FGF10: variants seen among roughly 807,000 people sequenced by gnomAD.
The protein encoded by FGF10 is FGF-10.
FGF10 carries 2 observed loss-of-function variants against 19.8 expected under a neutral mutation model. That is an observed-to-expected ratio of 0.10 (90% confidence interval 0.04 to 0.32). FGF10 has a LOEUF of 0.32. Ranked by LOEUF, FGF10 falls within the 10% of genes least tolerant of loss-of-function variation. The pLI is 1.00. For synonymous variants in FGF10, 112 were observed against 94.0 expected (o/e 1.19, Z -1.10); for missense variants, 191 against 246.3 (o/e 0.78, Z 1.50).
At chr5:44,315,970 G>A (rs537383586) in intron 1 of FGF10, among the ~76,000 whole-genome samples, 2 of 152,282 alleles carry the variant, frequency 1.3e-5, no homozygotes, top group African/African-American at 4.8e-5. Context: ...ACCAATATTG[G>A]AACTGGGCCA....
At chr5:44,354,248 A>G (rs1029712293) in intron 1 of FGF10, among the ~76,000 whole-genome samples, 4 of 151,458 alleles carry the variant, frequency 2.6e-5, no homozygotes, top group South Asian at 2.1e-4. Context: ...TTGAACACTC[A>G]TGTGTTCTTA....
At chr5:44,338,532 A>C (rs1296758786) in intron 1 of FGF10, among the ~76,000 whole-genome samples, 1 of 152,218 alleles carries the variant, frequency 6.6e-6, no homozygotes, top group Non-Finnish European at 1.5e-5. Context: ...ATTCAGGTTG[A>C]CAAAAGCATC....
At chr5:44,369,659 C>G (rs1334995750) in intron 1 of FGF10, among the ~76,000 whole-genome samples, 6 of 152,116 alleles carry the variant, frequency 3.9e-5, no homozygotes, top group African/African-American at 1.4e-4. Flanking sequence ...CACACGCACT[C>G]AGACACTTAC....
intron 1 of FGF10, among the ~76,000 whole-genome samples, chr5:44,376,831 T>G (rs1741878554): frequency 6.6e-6 from 1 of 152,032 alleles, no homozygotes; most frequent in South Asian, 2.1e-4. Flanking sequence ...TAGATAATAC[T>G]CTTTTGAAAT....
chr5:44,313,704 C>T (rs190456595), intron 1 of FGF10, among the ~76,000 whole-genome samples: 4 of 150,960 alleles, frequency 2.6e-5, no homozygotes, highest in African/African-American at 9.7e-5. Context: ...TAGGCATATT[C>T]TTGTAGTGAA....
intron 2 of FGF10, among the ~76,000 whole-genome samples, chr5:44,306,513 T>C (rs1175928144): frequency 7.0e-6 from 1 of 142,850 alleles, no homozygotes; most frequent in African/African-American, 2.5e-5. Flanking sequence ...TTCTATCTTC[T>C]TCATCCAAAG....
intron 1 of FGF10, among the ~76,000 whole-genome samples, chr5:44,328,677 A>T (rs892148227): frequency 6.6e-6 from 1 of 152,130 alleles, no homozygotes; most frequent in African/African-American, 2.4e-5. Context: ...TAGGAAAATC[A>T]CTTGAGCCAA....
intron 1 of FGF10, among the ~76,000 whole-genome samples, chr5:44,387,640 T>G (rs1041202594): frequency 1.3e-5 from 2 of 152,090 alleles, no homozygotes; most frequent in African/African-American, 4.8e-5. Flanking sequence ...GACATGAGCA[T>G]CATGTTACCA....
intron 1 of FGF10, among the ~76,000 whole-genome samples, chr5:44,329,595 G>A (rs773401289): frequency 1.2e-4 from 18 of 151,908 alleles, no homozygotes; most frequent in Non-Finnish European, 2.2e-4. Flanking sequence ...AAACTAGAAC[G>A]CATATTCACA....
intron 1 of FGF10, among the ~76,000 whole-genome samples, chr5:44,362,153 G>GT (rs566982115): frequency 2.0e-5 from 3 of 151,584 alleles, no homozygotes; most frequent in Non-Finnish European, 4.4e-5. Context: ...TACCATCTTT[G>GT]TGAACTTGGA....
rs1164788269 is a variant in FGF10 at position 44,324,992 on chromosome 5, T to C, written c.326-14462A>G. ...GATTATTCCTTGGTAAAATTCAAAG[T>C]AAACCCTGTTTATTTGTTTTTATAT... On this transcript the variant is annotated intron_variant, in intron 1 of 2. Coordinates refer to ENST00000264664, the MANE Select transcript of FGF10 (RefSeq NM_004465.2). Among the ~76,000 whole-genome samples, 32 of 152,208 alleles carry C rather than the reference T, an allele frequency of 2.1e-4. 1 individual carries two copies. Among genetic ancestry groups the C allele is most frequent in the Admixed American group, 2.1e-3 (32 of 15,272 alleles).
chr5:44,363,196 G>A (rs1741530022), intron 1 of FGF10, among the ~76,000 whole-genome samples: 2 of 151,682 alleles, frequency 1.3e-5, no homozygotes, highest in Non-Finnish European at 2.9e-5. Flanking sequence ...TTCCTTCACT[G>A]AATTCACCGT....
chr5:44,351,960 C>T (rs976415595), intron 1 of FGF10, among the ~76,000 whole-genome samples: 3 of 151,592 alleles, frequency 2.0e-5, no homozygotes. Flanking sequence ...ACTAATACTA[C>T]TACTACTAAT....
rs764913349 is a variant in FGF10 at position 44,376,490 on chromosome 5, C to CAAAAAAAAAAAAAAAA, written c.325+11852_325+11867dup. On this transcript the variant is annotated intron_variant, in intron 1 of 2. Transcript: ENST00000264664. Reference sequence around the variant, plus strand: ...CTAAGACAAGTTAGAATACAAATGCCAAAAAAAAAAAAAAAAAAAAAAAAA... The same window carrying CAAAAAAAAAAAAAAAA: ...CTAAGACAAGTTAGAATACAAATGCCAAAAAAAAAAAAAAAAAAAAAAAAAAAAAAAAAAAAAAAAA... Among the ~76,000 whole-genome samples the CAAAAAAAAAAAAAAAA allele has an allele frequency of 9.0e-3, 312 of 34,478 alleles. 40 individuals carry two copies. The highest frequency in any genetic ancestry group is 0.017 in the Middle Eastern group (1 of 58). 22.6% of individuals were successfully genotyped at this position (34,478 alleles called of 152,430 possible). A position where few individuals can be genotyped will look rare whatever the true frequency, so the allele number is the denominator to read the frequency against.
intron 1 of FGF10, among the ~76,000 whole-genome samples, chr5:44,364,600 T>C (rs1741564166): frequency 6.6e-6 from 1 of 151,860 alleles, no homozygotes; most frequent in Admixed American, 6.6e-5. Context: ...AATATGATAG[T>C]GCAGTGGAAA....
At chr5:44,376,612 T>A (rs919154938) in intron 1 of FGF10, among the ~76,000 whole-genome samples, 1 of 148,184 alleles carries the variant, frequency 6.7e-6, no homozygotes, top group Non-Finnish European at 1.5e-5. Flanking sequence ...CAGTGAAATA[T>A]ACATATTAAG....
At chr5:44,376,395 G>A (rs1741855662) in intron 1 of FGF10, among the ~76,000 whole-genome samples, 1 of 146,714 alleles carries the variant, frequency 6.8e-6, no homozygotes, top group Non-Finnish European at 1.5e-5. Flanking sequence ...ACACTTACAT[G>A]TACTCCTTTT....
intron 1 of FGF10, among the ~76,000 whole-genome samples, chr5:44,366,508 A>G (rs955737799): frequency 6.6e-6 from 1 of 151,992 alleles, no homozygotes; most frequent in African/African-American, 2.4e-5. Flanking sequence ...TTAAGGGACT[A>G]AGCTGGGGCA....
In FGF10 at chr5:44,388,787, G is replaced by T. The variant is rs1561224016; in HGVS notation, c.-105C>A. On this transcript the variant is annotated 5_prime_UTR_variant, in exon 1 of 3. Transcript: ENST00000264664. ...AGAGAGCTCGAGGTGGTGGCTGCTG[G>T]TTAGCTCCCTCTGGGCGCGGATCTG... 1.7e-6 allele frequency: 2 copies of T among 1,177,020 alleles called. No individual in the cohort carries two copies. The highest frequency in any genetic ancestry group is 2.5e-6 in the Non-Finnish European group (2 of 800,876). 72.9% of individuals were successfully genotyped at this position (1,177,020 alleles called of 1,614,324 possible).
Sources: allele counts gnomAD v4.1 joint callset (sites outside exome capture counted in the v4.1 genomes callset), GRCh38; gene constraint gnomAD v4.1.1; transcripts MANE v1.5; gene names NCBI Gene and HGNC (gene_info 2026-07-23, HGNC 2026-07-21).